RAB3C: variants seen among roughly 807,000 people sequenced by gnomAD.
The protein encoded by RAB3C is ras-related protein Rab-3C.
Under a neutral mutation model 26.4 loss-of-function variants are expected in RAB3C, and 17 were observed. The observed-to-expected ratio is 0.64, with a 90% CI of 0.44 to 0.97. The LOEUF (loss-of-function observed/expected upper bound fraction) is 0.97, where lower values mean the gene tolerates loss of function less well. Ranked by LOEUF, RAB3C falls within the 50% of genes least tolerant of loss-of-function variation. The probability of loss-of-function intolerance (pLI) is 0.00; values close to 1 mark genes in which losing one functional copy is unlikely to be tolerated. For synonymous variants in RAB3C, 91 were observed against 95.9 expected (o/e 0.95, Z 0.30); for missense variants, 242 against 281.9 (o/e 0.86, Z 1.01).
chr5:58,662,195 C>T lies in RAB3C; in HGVS notation c.252+44325C>T, dbSNP rs144086089. ...TGCCCTTTTCTTGGAAATTATTAGA[C>T]TCTGGAAGGGGCAAAATTGTAGATA... On this transcript the variant is annotated intron_variant, in intron 2 of 4. Transcript: ENST00000282878. Among the ~76,000 whole-genome samples the T allele has an allele frequency of 2.7e-3, 408 of 150,104 alleles. 35 individuals are homozygous for T. The highest frequency in any genetic ancestry group is 8.5e-3 in the African/African-American group (335 of 39,506).
intron 3 of RAB3C, among the ~76,000 whole-genome samples, chr5:58,756,349 A>ATTT (rs1741659246): frequency 1.4e-5 from 2 of 141,742 alleles, no homozygotes; most frequent in Non-Finnish European, 1.5e-5. Context: ...TATATATGTT[A>ATTT]TATATATATA....
chr5:58,755,198 A>C (rs1367187311), intron 3 of RAB3C, among the ~76,000 whole-genome samples: 1 of 152,222 alleles, frequency 6.6e-6, no homozygotes, highest in Non-Finnish European at 1.5e-5. Flanking sequence ...GAAGATACTG[A>C]GAGACAGTGC....
rs58104232 is a variant in RAB3C at position 58,627,471 on chromosome 5, TAAAAAAAAAAAAAAAAA to T, written c.252+9633_252+9649del. 2.3e-4 allele frequency among the ~76,000 whole-genome samples: 16 copies of T among 68,442 alleles called. No individual in the cohort carries two copies. In the South Asian group the frequency reaches 2.8e-3, roughly 12 times the overall value. 44.9% of individuals were successfully genotyped at this position (68,442 alleles called of 152,430 possible). A position where few individuals can be genotyped will look rare whatever the true frequency, so the allele number is the denominator to read the frequency against. On this transcript the variant is annotated intron_variant, in intron 2 of 4. Transcript: ENST00000282878. ...TGGGCGACAGAGCGAGACTCCGTCT[TAAAAAAAAAAAAAAAAA>T]AAAAAAAAAAAAAAAAAAAAAAAAA... is the stretch of plus-strand genomic sequence containing the variant.
chr5:58,748,664 G>A (rs1175090864), intron 3 of RAB3C, among the ~76,000 whole-genome samples: 1 of 152,006 alleles, frequency 6.6e-6, no homozygotes, highest in Non-Finnish European at 1.5e-5. Flanking sequence ...ATATACATAT[G>A]AAATAATATG....
chr5:58,854,671 CT>C lies in RAB3C; in HGVS notation c.*3322del, dbSNP rs1362979971. 1 of 152,168 alleles carries C rather than the reference CT, an allele frequency of 6.6e-6. No homozygotes were observed. The highest frequency in any genetic ancestry group is 1.5e-5 in the Non-Finnish European group (1 of 68,038). The allele number at this position is 152,168 out of a possible 1,614,324, so 9.4% of individuals were successfully genotyped here. On this transcript the variant is annotated 3_prime_UTR_variant, in exon 5 of 5. Coordinates refer to ENST00000282878, the MANE Select transcript of RAB3C (RefSeq NM_138453.4). ...TTCTTCTAGTTCCTCCTTAGGGTCA[CT>C]TGAAGTTCAGTATTTTTTTGCTGCC... is the stretch of plus-strand genomic sequence containing the variant.
intron 1 of RAB3C, among the ~76,000 whole-genome samples, chr5:58,610,440 G>A (rs1185553254): frequency 6.6e-6 from 1 of 151,906 alleles, no homozygotes; most frequent in African/African-American, 2.4e-5. Context: ...AATTGTAGCT[G>A]TTATAATAGG....
intron 2 of RAB3C, among the ~76,000 whole-genome samples, chr5:58,640,156 A>G (rs1747383955): frequency 6.6e-6 from 1 of 152,172 alleles, no homozygotes; most frequent in Non-Finnish European, 1.5e-5. Context: ...CAAAGACTAA[A>G]GAGAGAGAAA....
chr5:58,652,646 A>T (rs1274490430), intron 2 of RAB3C, among the ~76,000 whole-genome samples: 1 of 151,810 alleles, frequency 6.6e-6, no homozygotes, highest in Non-Finnish European at 1.5e-5. Flanking sequence ...ACTGGTACAT[A>T]CACATATACA....
chr5:58,597,238 AT>A (rs1746330627), intron 1 of RAB3C, among the ~76,000 whole-genome samples: 6 of 6,978 alleles, frequency 8.6e-4, no homozygotes, highest in African/African-American at 5.0e-3. Context: ...ATACTACACA[AT>A]ATATTATATA....
chr5:58,823,085 G>A, intron 3 of RAB3C: 1 of 518,910 alleles, frequency 1.9e-6, no homozygotes, highest in Non-Finnish European at 3.7e-6. Flanking sequence ...ATTTAATGCA[G>A]AAGCGCATGG....
chr5:58,734,589 A>G (rs1401730058), intron 3 of RAB3C, among the ~76,000 whole-genome samples: 5 of 152,340 alleles, frequency 3.3e-5, no homozygotes, highest in African/African-American at 9.6e-5. Flanking sequence ...ATTTATATTT[A>G]GAAAATAGAG....
chr5:58,614,324 G>T (rs1428793059), intron 1 of RAB3C, among the ~76,000 whole-genome samples: 3 of 151,932 alleles, frequency 2.0e-5, no homozygotes, highest in African/African-American at 4.8e-5. Flanking sequence ...CTTCACTTGT[G>T]GTCTCAGCAA....
At chr5:58,582,993 C>A, upstream of RAB3C, 1 of 1,334,642 alleles carries the variant, frequency 7.5e-7, no homozygotes, top group Non-Finnish European at 9.8e-7. Context: ...CCGGGAACAC[C>A]CGGAGGGCGA....
chr5:58,756,276 T>G (rs1741654348), intron 3 of RAB3C, among the ~76,000 whole-genome samples: 1 of 148,382 alleles, frequency 6.7e-6, no homozygotes, highest in Non-Finnish European at 1.5e-5. Flanking sequence ...TCAGTGCATA[T>G]TTCCTAAGAA....
intron 3 of RAB3C, among the ~76,000 whole-genome samples, chr5:58,774,337 G>T (rs1204558494): frequency 6.6e-6 from 1 of 152,018 alleles, no homozygotes; most frequent in Non-Finnish European, 1.5e-5. Flanking sequence ...ATTAATATCT[G>T]CTCCCCTCTC....
intron 4 of RAB3C, among the ~76,000 whole-genome samples, chr5:58,844,950 G>A (rs1298186006): frequency 6.6e-6 from 1 of 152,222 alleles, no homozygotes; most frequent in African/African-American, 2.4e-5. Flanking sequence ...ACAATATGGT[G>A]TAGCTATTGA....
chr5:58,640,482 C>T (rs1747392777), intron 2 of RAB3C, among the ~76,000 whole-genome samples: 1 of 152,094 alleles, frequency 6.6e-6, no homozygotes, highest in South Asian at 2.1e-4. Flanking sequence ...ACATTGATCC[C>T]ACAAATGCCA....
intron 3 of RAB3C, among the ~76,000 whole-genome samples, chr5:58,729,465 A>T (rs567733728): frequency 2.0e-5 from 3 of 151,872 alleles, no homozygotes; most frequent in Non-Finnish European, 4.4e-5. Context: ...TACGATTTTA[A>T]CTACTTTAAG....
At chr5:58,672,103 G>T (rs998765338) in intron 2 of RAB3C, among the ~76,000 whole-genome samples, 1 of 152,128 alleles carries the variant, frequency 6.6e-6, no homozygotes, top group Admixed American at 6.6e-5. Flanking sequence ...TTCAAGAGGG[G>T]TTACTAACGA....
Sources: gnomAD v4.1 joint callset for allele counts (sites outside exome capture counted in the v4.1 genomes callset) on GRCh38, gnomAD v4.1.1 for gene constraint, MANE v1.5 for transcripts, NCBI Gene and HGNC (gene_info 2026-07-23, HGNC 2026-07-21) for gene names.